SYBU: variants seen among roughly 807,000 people sequenced by gnomAD.
The protein encoded by SYBU is syntabulin, also known as GOLSYN A protein.
Under a neutral mutation model 35.9 loss-of-function variants are expected in SYBU, and 21 were observed. That is an observed-to-expected ratio of 0.58 (90% CI 0.41 to 0.84). The LOEUF (loss-of-function observed/expected upper bound fraction) is 0.84, where lower values mean the gene tolerates loss of function less well. Among genes scored for constraint, SYBU ranks in the 40% least tolerant of loss-of-function variants. The probability of loss-of-function intolerance (pLI) is 0.00; values close to 1 mark genes in which losing one functional copy is unlikely to be tolerated. For synonymous variants in SYBU, 319 were observed against 324.3 expected, an observed-to-expected ratio of 0.98 and a Z score of 0.18; for missense variants, 768 against 848.2, an observed-to-expected ratio of 0.91 and a Z score of 1.17.
At chr8:109,615,997 C>CTTTTTTT in intron 3 of SYBU, among the ~76,000 whole-genome samples, 2 of 96,048 alleles carry the variant, frequency 2.1e-5, no homozygotes, top group Middle Eastern at 4.9e-3. Context: ...CTTTTCTTTT[C>CTTTTTTT]TTTTCTTTCT....
intron 3 of SYBU, among the ~76,000 whole-genome samples, chr8:109,601,393 T>C (rs1825498789): frequency 6.6e-6 from 1 of 152,296 alleles, no homozygotes; most frequent in Non-Finnish European, 1.5e-5. Context: ...ATCTAGTCCA[T>C]CTCAACTATG....
chr8:109,652,629 G>A (rs1307870621), intron 1 of SYBU, among the ~76,000 whole-genome samples: 1 of 152,138 alleles, frequency 6.6e-6, no homozygotes, highest in East Asian at 1.9e-4. Context: ...GCCACCTATG[G>A]ATTTGTTCAT....
chr8:109,600,887 A>G (rs1005835440), intron 3 of SYBU, among the ~76,000 whole-genome samples: 2 of 152,212 alleles, frequency 1.3e-5, no homozygotes, highest in African/African-American at 4.8e-5. Context: ...AACAAGGTCG[A>G]CATGTGTGCA....
At chr8:109,655,305 G>A (rs1399510264) in intron 1 of SYBU, among the ~76,000 whole-genome samples, 2 of 152,186 alleles carry the variant, frequency 1.3e-5, no homozygotes, top group Non-Finnish European at 2.9e-5. Flanking sequence ...TGTGAAATAG[G>A]ATAAAATGAT....
intron 3 of SYBU, among the ~76,000 whole-genome samples, chr8:109,614,723 GTAGATAAAAGAGAAACA>G (rs1811545372): frequency 6.6e-6 from 1 of 152,236 alleles, no homozygotes; most frequent in African/African-American, 2.4e-5. Context: ...TTGCAGAGTT[GTAGATAAAAGAGAAACA>G]TGAAAACACA....
chr8:109,654,082 C>G (rs1169808965), intron 1 of SYBU, among the ~76,000 whole-genome samples: 1 of 152,078 alleles, frequency 6.6e-6, no homozygotes, highest in East Asian at 1.9e-4. Flanking sequence ...ATTTTTTTTA[C>G]TGGACATTTC....
chr8:109,609,732 C>T (rs1810957073), intron 3 of SYBU, among the ~76,000 whole-genome samples: 1 of 152,122 alleles, frequency 6.6e-6, no homozygotes, highest in African/African-American at 2.4e-5. Context: ...CCACTGAACT[C>T]CAGCCTGGGG....
rs1822103907 is a variant in SYBU, at chr8:109,575,270, A to G, written c.1628T>C (p.Leu543Ser). The change falls in exon 7 of 7, where the codon TTA becomes TCA. Residue 543 changes from leucine (L) to serine (S), a missense_variant. By Grantham distance (145) the Leu-to-Ser change is moderately radical. Transcript: ENST00000276646. The stretch of plus-strand genomic sequence containing the variant: ...GGCTGAGTTTGGATTTCTTGGAGTT[A>G]AATCAACCACTAAGGCAGAGAGGGA... ...PESLSALVVD[L>S]TPRNPNSAIL... is the part of the protein sequence containing the mutation. The G allele has an allele frequency of 6.2e-7, 1 of 1,614,086 alleles. No individual in the cohort carries two copies. The highest frequency in any genetic ancestry group is 1.3e-5 in the African/African-American group (1 of 74,934).
At chr8:109,619,418 G>A (rs1377349172) in intron 2 of SYBU, among the ~76,000 whole-genome samples, 1 of 151,862 alleles carries the variant, frequency 6.6e-6, no homozygotes, top group African/African-American at 2.4e-5. Flanking sequence ...GTACAGACAG[G>A]GTTTCACCAT....
intron 1 of SYBU, among the ~76,000 whole-genome samples, chr8:109,676,343 A>G (rs1438052059): frequency 1.3e-5 from 2 of 152,174 alleles, no homozygotes; most frequent in Admixed American, 6.5e-5. Flanking sequence ...GAGGAAGTCA[A>G]ATTGTCTCTG....
chr8:109,690,773 C>G (rs1817627412), intron 1 of SYBU, among the ~76,000 whole-genome samples: 1 of 152,142 alleles, frequency 6.6e-6, no homozygotes, highest in South Asian at 2.1e-4. Context: ...TCAACGTAGC[C>G]CTTCAACAGC....
At chr8:109,591,534 C>T (rs537415777) in intron 3 of SYBU, among the ~76,000 whole-genome samples, 25 of 90,052 alleles carry the variant, frequency 2.8e-4, no homozygotes, top group Middle Eastern at 0.012. Flanking sequence ...TTTTTTGAGA[C>T]GGAGTCTCGC....
chr8:109,594,789 C>A (rs778046078), intron 3 of SYBU, among the ~76,000 whole-genome samples: 2 of 152,220 alleles, frequency 1.3e-5, no homozygotes, highest in Admixed American at 6.5e-5. Flanking sequence ...ACACTGGACT[C>A]AACCATGCTC....
intron 1 of SYBU, among the ~76,000 whole-genome samples, chr8:109,650,280 A>C (rs1010043340): frequency 6.6e-6 from 1 of 152,248 alleles, no homozygotes; most frequent in African/African-American, 2.4e-5. Flanking sequence ...TATGTTCTCC[A>C]TAATGCACTT....
At chr8:109,675,115 G>T (rs894574644) in intron 1 of SYBU, among the ~76,000 whole-genome samples, 1 of 152,164 alleles carries the variant, frequency 6.6e-6, no homozygotes, top group Non-Finnish European at 1.5e-5. Context: ...CAATGTATCA[G>T]AATCTCTGGG....
Position 109,577,944 on chromosome 8 carries a change from G to C in SYBU, c.808C>G (p.Pro270Ala). 1 of 1,613,868 alleles carries C rather than the reference G, an allele frequency of 6.2e-7. No individual in the cohort carries two copies. Among genetic ancestry groups the C allele is most frequent in the Non-Finnish European group, 8.5e-7 (1 of 1,179,846 alleles). Reference protein sequence around the residue: ...RPPNPEQYLTPLQQKEVTVRH... With the variant: ...RPPNPEQYLTALQQKEVTVRH... Reference sequence around the variant, plus strand: ...ACTGTCACCTCTTTCTGCTGCAGTGGAGTCAAATACTGCTCTGGGTTTGGG... The same window carrying C: ...ACTGTCACCTCTTTCTGCTGCAGTGCAGTCAAATACTGCTCTGGGTTTGGG... The change falls in exon 6 of 7, where the codon CCA (proline) becomes GCA (alanine). Residue 270 changes from proline (P) to alanine (A), a missense_variant. Physicochemically the swap from Pro to Ala is conservative, Grantham distance 27 (BLOSUM62 -1). Transcript: ENST00000276646.
chr8:109,611,338 A>G (rs1586823744), intron 3 of SYBU, among the ~76,000 whole-genome samples: 1 of 152,342 alleles, frequency 6.6e-6, no homozygotes, highest in Non-Finnish European at 1.5e-5. Context: ...TCTTAGGGAA[A>G]AACCATTAAA....
intron 1 of SYBU, among the ~76,000 whole-genome samples, chr8:109,663,684 C>T (rs1459274912): frequency 6.6e-6 from 1 of 151,836 alleles, no homozygotes; most frequent in African/African-American, 2.4e-5. Context: ...TTAAAATGTT[C>T]TCTTTTTTTT....
chr8:109,638,898 T>C (rs1015579737), intron 2 of SYBU, among the ~76,000 whole-genome samples: 1 of 152,172 alleles, frequency 6.6e-6, no homozygotes, highest in African/African-American at 2.4e-5. Flanking sequence ...ACAAAGCTCT[T>C]TGGGGACACA....
Sources: allele counts gnomAD v4.1 joint callset (sites outside exome capture counted in the v4.1 genomes callset), GRCh38; gene constraint gnomAD v4.1.1; transcripts MANE v1.5; gene names NCBI Gene and HGNC (gene_info 2026-07-23, HGNC 2026-07-21).